The following SLIT2 variants were observed in gnomAD, a reference collection of about 807,000 sequenced individuals.
SLIT2 encodes the protein slit homolog 2 protein.
SLIT2 carries 41 observed loss-of-function variants against 185.7 expected under a neutral mutation model. The observed-to-expected ratio is 0.22, with a 90% confidence interval of 0.17 to 0.29. The LOEUF (loss-of-function observed/expected upper bound fraction) is 0.29, where lower values mean the gene tolerates loss of function less well. SLIT2 is among the 10% of genes least tolerant of loss of function. SLIT2 has a pLI of 1.00. For missense variants in SLIT2, 1,571 were observed against 1,909.0 expected, an observed-to-expected ratio of 0.82 and a Z score of 3.30; for synonymous variants, 693 against 680.2, an observed-to-expected ratio of 1.02 and a Z score of -0.29.
At chr4:20,329,511 G>A (rs557862015) in intron 4 of SLIT2, among the ~76,000 whole-genome samples, 171 of 152,080 alleles carry the variant, frequency 1.1e-3, no homozygotes, top group Middle Eastern at 0.01. Context: ...CTATCTAGAA[G>A]TCTTCACAAA....
At chr4:20,565,948 A>G (rs1028368053) in intron 26 of SLIT2, among the ~76,000 whole-genome samples, 30 of 152,146 alleles carry the variant, frequency 2.0e-4, no homozygotes, top group Admixed American at 1.8e-3. Context: ...CCCAGGGTAA[A>G]GGATATGAAG....
intron 30 of SLIT2, among the ~76,000 whole-genome samples, chr4:20,591,622 T>C (rs1430555165): frequency 6.6e-6 from 1 of 151,952 alleles, no homozygotes; most frequent in Admixed American, 6.6e-5. Context: ...CATTATATTT[T>C]ATTCAACCAA....
chr4:20,585,455 T>G, intron 29 of SLIT2, among the ~76,000 whole-genome samples: 1 of 152,216 alleles, frequency 6.6e-6, no homozygotes, highest in East Asian at 1.9e-4. Context: ...GGCCCATGGC[T>G]GAAAATAAAT....
At chr4:20,530,977 A>C (rs1467996390) in intron 16 of SLIT2, among the ~76,000 whole-genome samples, 1 of 150,278 alleles carries the variant, frequency 6.7e-6, no homozygotes. Flanking sequence ...AAAAAAAAAC[A>C]AAAACAAAAA....
chr4:20,523,714 T>A (rs371073391), intron 12 of SLIT2, 46 bp from the exon 13 acceptor site: 34 of 1,564,386 alleles, frequency 2.2e-5, no homozygotes, highest in Non-Finnish European at 2.8e-5. Flanking sequence ...TGCAGGTGAG[T>A]TAATAAGATG....
intron 4 of SLIT2, among the ~76,000 whole-genome samples, chr4:20,319,938 A>T (rs1450779928): frequency 2.6e-5 from 4 of 152,174 alleles, no homozygotes; most frequent in African/African-American, 9.7e-5. Context: ...AAGAAAAAGC[A>T]TGACTACCCA....
intron 26 of SLIT2, among the ~76,000 whole-genome samples, chr4:20,554,996 C>T (rs1724122163): frequency 6.6e-6 from 1 of 152,114 alleles, no homozygotes; most frequent in Admixed American, 6.6e-5. Flanking sequence ...TCTTGAACTC[C>T]TGACCTCATG....
Position 20,378,095 on chromosome 4 carries a change from C to T in SLIT2, c.396-89657C>T, listed in dbSNP as rs28483350. On this transcript the variant is annotated intron_variant, in intron 4 of 36. Coordinates refer to ENST00000504154, the MANE Select transcript of SLIT2 (RefSeq NM_004787.4). ...GATGCAGAGATTCATTTATAATTTACAAATAAATTAATTATGATTGAAAAA... is the reference window on the plus strand; with the variant it reads ...GATGCAGAGATTCATTTATAATTTATAAATAAATTAATTATGATTGAAAAA... Among the ~76,000 whole-genome samples the T allele has an allele frequency of 3.5e-3, 527 of 151,924 alleles. 6 individuals are homozygous for T. Among genetic ancestry groups the T allele is most frequent in the African/African-American group, 0.012 (506 of 41,386 alleles).
chr4:20,571,462 A>G (rs1391790165), intron 29 of SLIT2, among the ~76,000 whole-genome samples: 1 of 152,152 alleles, frequency 6.6e-6, no homozygotes, highest in Non-Finnish European at 1.5e-5. Context: ...TTTTGTGCAC[A>G]CATGAAATGA....
Position 20,267,300 on chromosome 4 carries a change from G to A in SLIT2, c.324-1510G>A, listed in dbSNP as rs183865725. Among the ~76,000 whole-genome samples the A allele has an allele frequency of 5.1e-3, 779 of 151,954 alleles. 1 individual carries two copies. Among genetic ancestry groups the A allele is most frequent in the Non-Finnish European group, 8.4e-3 (567 of 67,904 alleles). ...TATGTGCTTCATTTAAAAAATTAGC[G>A]TGTAAGTGGGAAGTAAATTCACTCC... On this transcript the variant is annotated intron_variant, in intron 3 of 36. Coordinates refer to ENST00000504154, the MANE Select transcript of SLIT2 (RefSeq NM_004787.4).
intron 4 of SLIT2, among the ~76,000 whole-genome samples, chr4:20,346,291 G>A (rs995337186): frequency 2.0e-5 from 3 of 152,096 alleles, no homozygotes; most frequent in Admixed American, 6.6e-5. Context: ...CCATCACTCC[G>A]GGCCACTCTT....
intron 4 of SLIT2, among the ~76,000 whole-genome samples, chr4:20,451,151 C>G (rs960844841): frequency 3.3e-5 from 5 of 152,174 alleles, no homozygotes; most frequent in Non-Finnish European, 7.3e-5. Flanking sequence ...TGTCCCAGTT[C>G]CAGCTCTGAT....
At chr4:20,530,419 G>A (rs937925668) in intron 16 of SLIT2, among the ~76,000 whole-genome samples, 1 of 151,908 alleles carries the variant, frequency 6.6e-6, no homozygotes, top group African/African-American at 2.4e-5. Flanking sequence ...AAGAAGCTGG[G>A]ACCTCAGGCA....
chr4:20,280,149 C>G (rs111559864), intron 4 of SLIT2, among the ~76,000 whole-genome samples: 3,959 of 151,802 alleles, frequency 0.026, 83 homozygotes, highest in Middle Eastern at 0.044. Flanking sequence ...CTGGCTAACA[C>G]AGTGAAACCC....
intron 34 of SLIT2, among the ~76,000 whole-genome samples, chr4:20,611,850 C>T (rs1729246488): frequency 6.6e-6 from 1 of 152,156 alleles, no homozygotes; most frequent in Non-Finnish European, 1.5e-5. Context: ...TCCAAGTACA[C>T]AAAGCTATTA....
intron 4 of SLIT2, among the ~76,000 whole-genome samples, chr4:20,368,779 T>C (rs1367074411): frequency 6.6e-6 from 1 of 152,156 alleles, no homozygotes; most frequent in Non-Finnish European, 1.5e-5. Context: ...CATCGTTTGC[T>C]CTGAGGAAGT....
intron 4 of SLIT2, among the ~76,000 whole-genome samples, chr4:20,337,260 A>G (rs894157714): frequency 6.6e-6 from 1 of 152,166 alleles, no homozygotes; most frequent in Non-Finnish European, 1.5e-5. Context: ...GGCAAGGAGG[A>G]GCAAGTGACA....
chr4:20,417,426 A>G lies in SLIT2; in HGVS notation c.396-50326A>G, dbSNP rs1012952722. Among the ~76,000 whole-genome samples, 54 of 131,188 alleles carry G rather than the reference A, an allele frequency of 4.1e-4. No homozygotes were observed. The East Asian group carries it at 5.4e-3, about 13-fold the overall frequency. The allele number at this position is 131,188 out of a possible 152,430, so 86.1% of individuals were successfully genotyped here. On this transcript the variant is annotated intron_variant, in intron 4 of 36. Coordinates refer to ENST00000504154, the MANE Select transcript of SLIT2 (RefSeq NM_004787.4). ...GCCTGCTTCCCGCAATCATATATAT[A>G]TGTGTGTGTGTATATATATATATAT...
chr4:20,414,206 G>A (rs1727481808), intron 4 of SLIT2, among the ~76,000 whole-genome samples: 1 of 151,982 alleles, frequency 6.6e-6, no homozygotes, highest in Non-Finnish European at 1.5e-5. Context: ...TAATAATTGG[G>A]TTTGTTAAAT....
Sources: gnomAD v4.1 joint callset for allele counts (sites outside exome capture counted in the v4.1 genomes callset) on GRCh38, gnomAD v4.1.1 for gene constraint, MANE v1.5 for transcripts, NCBI Gene and HGNC (gene_info 2026-07-23, HGNC 2026-07-21) for gene names.